Variants in SLC25A4 observed in about 807,000 individuals in gnomAD.
SLC25A4 encodes the protein ADP/ATP translocase 1.
Under a neutral mutation model 24.7 loss-of-function variants are expected in SLC25A4, and 10 were observed. The ratio of observed to expected loss-of-function variants is 0.41; its 90% CI spans 0.25 to 0.69. SLC25A4 has a LOEUF of 0.69. Among genes scored for constraint, SLC25A4 ranks in the 30% least tolerant of loss-of-function variants. The pLI is 0.35. For synonymous variants in SLC25A4, 125 were observed against 153.3 expected, an observed-to-expected ratio of 0.82 and a Z score of 1.36; for missense variants, 273 against 387.6, an observed-to-expected ratio of 0.70 and a Z score of 2.48.
chr4:185,146,721 A>G (rs1579210723), intron 3 of SLC25A4, 93 bp from the exon 4 acceptor site: 1 of 1,475,440 alleles, frequency 6.8e-7, no homozygotes, highest in East Asian at 2.3e-5. Context: ...CCCTGATTTT[A>G]TAAAACTGGT....
chr4:185,145,465 G>A lies in SLC25A4; in HGVS notation c.598+215G>A, dbSNP rs757537062. 3 of 752,594 alleles carry A rather than the reference G, an allele frequency of 4.0e-6. No individual in the cohort carries two copies. The highest frequency in any genetic ancestry group is 2.8e-5 in the Admixed American group (1 of 36,318). The allele number at this position is 752,594 out of a possible 1,614,324, so 46.6% of individuals were successfully genotyped here. On this transcript the variant is annotated intron_variant, in intron 2 of 3. Coordinates refer to ENST00000281456, the MANE Select transcript of SLC25A4 (RefSeq NM_001151.4). The surrounding 1 kb of genome is among the most constrained non-coding windows in gnomAD (Gnocchi z 5.5). Reference sequence around the variant, plus strand: ...AAACTCTGGCCTTTAGTTATTCAGAGAGGAGGAGGGGGGAGCCTGTCTCCC... The same window carrying A: ...AAACTCTGGCCTTTAGTTATTCAGAAAGGAGGAGGGGGGAGCCTGTCTCCC...
intron 1 of SLC25A4, among the ~76,000 whole-genome samples, chr4:185,144,176 C>G (rs141351955): frequency 6.6e-6 from 1 of 152,136 alleles, no homozygotes; most frequent in African/African-American, 2.4e-5. Flanking sequence ...GAATTACTAA[C>G]AACAAAACCC....
At chr4:185,144,701 T>TCCTGTCCTCTTCCCTTCTCTCTACCCTG (rs1734405993) in intron 1 of SLC25A4, 63 bp from the exon 2 acceptor site, 2 of 1,500,542 alleles carry the variant, frequency 1.3e-6, no homozygotes, top group African/African-American at 2.8e-5. Flanking sequence ...TTTTTTTTTC[T>TCCTGTCCTCTTCCCTTCTCTCTACCCTG]CCTGTCCTCT....
rs1734471157 is a variant in SLC25A4, at chr4:185,147,951, A to G, written c.*980A>G. ...GCTGAGATGGCATGCCACCACATCC[A>G]TCCTAAGCGACAGGGCAAGACTCTG... On this transcript the variant is annotated 3_prime_UTR_variant, in exon 4 of 4. Transcript: ENST00000281456. The G allele has an allele frequency of 6.6e-6, 1 of 151,864 alleles. No individual in the cohort carries two copies. Among genetic ancestry groups the G allele is most frequent in the South Asian group, 2.1e-4 (1 of 4,782 alleles). The allele number at this position is 151,864 out of a possible 1,614,324, so 9.4% of individuals were successfully genotyped here.
chr4:185,148,301 A>C lies in SLC25A4; in HGVS notation c.*1330A>C, dbSNP rs1212196036. On this transcript the variant is annotated 3_prime_UTR_variant, in exon 4 of 4. Coordinates refer to ENST00000281456, the MANE Select transcript of SLC25A4 (RefSeq NM_001151.4). ...AAATGCCCCTCCTCCAAACACCACC[A>C]CTTTGGGGGTTAAGATTTCAACAGA... 1 of 152,110 alleles carries C rather than the reference A, an allele frequency of 6.6e-6. No homozygotes were observed. Among genetic ancestry groups the C allele is most frequent in the Non-Finnish European group, 1.5e-5 (1 of 68,050 alleles). The allele number at this position is 152,110 out of a possible 1,614,324, so 9.4% of individuals were successfully genotyped here.
rs1416316503 is a variant in SLC25A4 at position 185,148,715 on chromosome 4, G to C, written c.*1744G>C. The stretch of plus-strand genomic sequence containing the variant: ...GGAAAATACTTAGACTATCAGGTTG[G>C]AAAGTTCACACTTGGACCAGGAAAA... On this transcript the variant is annotated 3_prime_UTR_variant, in exon 4 of 4. Coordinates refer to ENST00000281456, the MANE Select transcript of SLC25A4 (RefSeq NM_001151.4). 6.6e-6 allele frequency: 1 copy of C among 152,148 alleles called. No individual in the cohort carries two copies. The highest frequency in any genetic ancestry group is 1.5e-5 in the Non-Finnish European group (1 of 68,034). 9.4% of individuals were successfully genotyped at this position (152,148 alleles called of 1,614,324 possible).
At position 185,149,134 on chromosome 4, in the gene SLC25A4, A is replaced by C. The variant is rs766298724; in HGVS notation, c.*2163A>C. On this transcript the variant is annotated 3_prime_UTR_variant, in exon 4 of 4. Transcript: ENST00000281456. The stretch of plus-strand genomic sequence containing the variant: ...TGCAGTTAAGAGGCCTCCTGGATCC[A>C]TTGTCCTCCTGTTGCTTTTCGTTCT... The C allele has an allele frequency of 2.0e-5, 3 of 152,338 alleles. No homozygotes were observed. Among genetic ancestry groups the C allele is most frequent in the Non-Finnish European group, 4.4e-5 (3 of 68,128 alleles). The allele number at this position is 152,338 out of a possible 1,614,324, so 9.4% of individuals were successfully genotyped here.
At chr4:185,144,047 T>A (rs931324125) in intron 1 of SLC25A4, among the ~76,000 whole-genome samples, 6 of 152,192 alleles carry the variant, frequency 3.9e-5, no homozygotes, top group Middle Eastern at 3.2e-3. Flanking sequence ...GATCATCCTG[T>A]CTCCAAATCT....
At position 185,143,414 on chromosome 4, in the gene SLC25A4, C is replaced by G. The variant is rs755681315; in HGVS notation, c.42C>G (p.Ala14=). The part of the protein sequence containing the change: ...HAWSFLKDFL[A]GGVAAAVSKT... ...GGAGCTTCCTAAAGGACTTCCTGGC[C>G]GGGGGCGTCGCCGCTGCCGTCTCCA... Residue 14 remains alanine, a synonymous_variant, in exon 1 of 4, where the codon GCC becomes GCG. Transcript: ENST00000281456. The G allele has an allele frequency of 2.6e-6, 4 of 1,526,156 alleles. No homozygotes were observed. Among genetic ancestry groups the G allele is most frequent in the Non-Finnish European group, 3.5e-6 (4 of 1,134,134 alleles). 94.5% of individuals were successfully genotyped at this position (1,526,156 alleles called of 1,614,324 possible). A position where few individuals can be genotyped will look rare whatever the true frequency, so the allele number is the denominator to read the frequency against.
At position 185,143,279 on chromosome 4, in the gene SLC25A4, C is replaced by T; in HGVS notation, c.-94C>T. The T allele has an allele frequency of 3.0e-6, 2 of 661,868 alleles. No homozygotes were observed. The highest frequency in any genetic ancestry group is 3.8e-5 in the East Asian group (1 of 26,580). 41.0% of individuals were successfully genotyped at this position (661,868 alleles called of 1,614,324 possible). ...GGGCCAGGCGGCGGCCCCCTAGCGT[C>T]GCGCAGGGTCGGGGACTGCGCGGCG... On this transcript the variant is annotated 5_prime_UTR_variant, in exon 1 of 4. Coordinates refer to ENST00000281456, the MANE Select transcript of SLC25A4 (RefSeq NM_001151.4).
At position 185,144,684 on chromosome 4, in the gene SLC25A4, G is replaced by A. The variant is rs952902142; in HGVS notation, c.112-80G>A. 1.6e-5 allele frequency: 23 copies of A among 1,418,664 alleles called. No homozygotes were observed. The African/African-American group carries it at 3.0e-4, about 19-fold the overall frequency. The allele number at this position is 1,418,664 out of a possible 1,614,324, so 87.9% of individuals were successfully genotyped here. A position where few individuals can be genotyped will look rare whatever the true frequency, so the allele number is the denominator to read the frequency against. ...TCTTCAAAAAAAAAATCTAGGAAGT[G>A]CAAACCTTTTTTTTTCTCCTGTCCT... On this transcript the variant is annotated intron_variant, in intron 1 of 3. Transcript: ENST00000281456.
intron 1 of SLC25A4, 143 bp downstream of exon 1, chr4:185,143,626 C>A: frequency 7.8e-6 from 1 of 127,580 alleles, no homozygotes; most frequent in South Asian, 2.6e-4. Flanking sequence ...CCCGCCCGCC[C>A]GCCCGCGGGG....
At position 185,148,571 on chromosome 4, in the gene SLC25A4, A is replaced by G. The variant is rs923182142; in HGVS notation, c.*1600A>G. The G allele has an allele frequency of 2.6e-5, 4 of 152,200 alleles. No homozygotes were observed. Among genetic ancestry groups the G allele is most frequent in the Admixed American group, 6.5e-5 (1 of 15,280 alleles). 9.4% of individuals were successfully genotyped at this position (152,200 alleles called of 1,614,324 possible). A position where few individuals can be genotyped will look rare whatever the true frequency, so the allele number is the denominator to read the frequency against. On this transcript the variant is annotated 3_prime_UTR_variant, in exon 4 of 4. Coordinates refer to ENST00000281456, the MANE Select transcript of SLC25A4 (RefSeq NM_001151.4). ...TGGTAGGAGATGGAGGCTTTGAAAG[A>G]AAATAACCAGATTTAGAAACATGGG...
At chr4:185,146,737 T>C (rs1283272642) in intron 3 of SLC25A4, 77 bp from the exon 4 acceptor site, 6 of 1,537,638 alleles carry the variant, frequency 3.9e-6, no homozygotes, top group Non-Finnish European at 4.5e-6. Flanking sequence ...CTGGTAACAG[T>C]GTGTACAGAT....
In SLC25A4 at chr4:185,143,450, C is replaced by A. The variant is rs1214387193; in HGVS notation, c.78C>A (p.Val26=). ...CCGCTGCCGTCTCCAAGACCGCGGT[C>A]GCCCCCATCGAGAGGGTCAAACTGC... ...GVAAAVSKTA[V]APIERVKLLL... is the part of the protein sequence containing the mutation. Residue 26 remains valine, a synonymous_variant, in exon 1 of 4, where the codon GTC becomes GTA. Transcript: ENST00000281456. 5 of 1,504,266 alleles carry A rather than the reference C, an allele frequency of 3.3e-6. No individual in the cohort carries two copies. The highest frequency in any genetic ancestry group is 4.3e-5 in the Admixed American group (2 of 46,844). The allele number at this position is 1,504,266 out of a possible 1,614,324, so 93.2% of individuals were successfully genotyped here.
Position 185,144,955 on chromosome 4 carries a change from G to T in SLC25A4, c.303G>T (p.Gly101=), listed in dbSNP as rs1420436488. The T allele has an allele frequency of 1.9e-6, 3 of 1,614,104 alleles. No individual in the cohort carries two copies. The highest frequency in any genetic ancestry group is 3.3e-5 in the Admixed American group (2 of 60,008). ...FKDKYKQLFL[G]GVDRHKQFWR... is the part of the protein sequence containing the mutation. ...ACAAGTACAAGCAGCTCTTCTTAGG[G>T]GGTGTGGATCGGCATAAGCAGTTCT... Residue 101 remains glycine (G), a synonymous_variant, in exon 2 of 4, where the codon GGG becomes GGT. Transcript: ENST00000281456.
At chr4:185,146,775 C>T in intron 3 of SLC25A4, 39 bp from the exon 4 acceptor site, 1 of 1,613,052 alleles carries the variant, frequency 6.2e-7, no homozygotes, top group Non-Finnish European at 8.5e-7. Flanking sequence ...TCTCTTTCCT[C>T]CAGCGTTACG....
In SLC25A4 at chr4:185,145,481, C is replaced by G; in HGVS notation, c.598+231C>G. On this transcript the variant is annotated intron_variant, in intron 2 of 3. Transcript: ENST00000281456. This position sits in a 1 kb window ranked among gnomAD's most constrained non-coding sequence, Gnocchi z 5.5. ...TTATTCAGAGAGGAGGAGGGGGGAG[C>G]CTGTCTCCCTCTAGACACAGCCATA... is the stretch of plus-strand genomic sequence containing the variant. 1.4e-6 allele frequency: 1 copy of G among 699,652 alleles called. No homozygotes were observed. The highest frequency in any genetic ancestry group is 2.8e-5 in the Admixed American group (1 of 35,646). 43.3% of individuals were successfully genotyped at this position (699,652 alleles called of 1,614,324 possible).
Position 185,147,797 on chromosome 4 carries a change from A to G in SLC25A4, c.*826A>G, listed in dbSNP as rs1310888663. ...AGTTTGAGACCAGCCTGGCCAACCG[A>G]GCGAAACCCCATCTCTAATAAAAAT... is the stretch of plus-strand genomic sequence containing the variant. On this transcript the variant is annotated 3_prime_UTR_variant, in exon 4 of 4. Coordinates refer to ENST00000281456, the MANE Select transcript of SLC25A4 (RefSeq NM_001151.4). The G allele has an allele frequency of 6.6e-6, 1 of 151,934 alleles. No homozygotes were observed. The highest frequency in any genetic ancestry group is 1.5e-5 in the Non-Finnish European group (1 of 67,978). The allele number at this position is 151,934 out of a possible 1,614,324, so 9.4% of individuals were successfully genotyped here.
Sources: gnomAD v4.1 joint callset for allele counts (sites outside exome capture counted in the v4.1 genomes callset) on GRCh38, gnomAD v4.1.1 for gene constraint, Gnocchi (gnomAD v3.1) non-coding constraint, MANE v1.5 for transcripts, NCBI Gene and HGNC (gene_info 2026-07-23, HGNC 2026-07-21) for gene names.